The following NEK5 variants were observed in gnomAD, a reference collection of about 807,000 sequenced individuals.
The protein encoded by NEK5 is serine/threonine-protein kinase Nek5.
A neutral mutation model predicts 109.2 loss-of-function variants in NEK5; 88 were observed. The ratio of observed to expected loss-of-function variants is 0.81; its 90% CI spans 0.68 to 0.96. The LOEUF (loss-of-function observed/expected upper bound fraction) is 0.96, where lower values mean the gene tolerates loss of function less well. Ranked by LOEUF, NEK5 falls within the 40% of genes least tolerant of loss-of-function variation. The pLI is 0.00. For missense variants in NEK5, 834 were observed against 920.7 expected (o/e 0.91, Z 1.22); for synonymous variants, 283 against 299.9 (o/e 0.94, Z 0.58).
At chr13:52,063,340 G>T (rs1448248172) in intron 21 of NEK5, among the ~76,000 whole-genome samples, 1 of 152,250 alleles carries the variant, frequency 6.6e-6, no homozygotes, top group Non-Finnish European at 1.5e-5. Context: ...CTCCCGAGGT[G>T]CCGGGTTTGC....
chr13:52,076,628 C>T (rs1006137504), intron 17 of NEK5, among the ~76,000 whole-genome samples: 1 of 152,194 alleles, frequency 6.6e-6, no homozygotes, highest in African/African-American at 2.4e-5. Flanking sequence ...AGCATCCTAT[C>T]TTGGGCCATC....
chr13:52,085,887 G>C (rs1034674735), intron 16 of NEK5, among the ~76,000 whole-genome samples: 1 of 152,160 alleles, frequency 6.6e-6, no homozygotes, highest in Non-Finnish European at 1.5e-5. Flanking sequence ...AAAAATGCTA[G>C]TGTGTTGGGT....
At chr13:52,069,596 T>C (rs1177642127) in intron 20 of NEK5, among the ~76,000 whole-genome samples, 1 of 152,218 alleles carries the variant, frequency 6.6e-6, no homozygotes, top group African/African-American at 2.4e-5. Flanking sequence ...ATCACTACCT[T>C]GTCTCTCCCG....
At chr13:52,086,029 T>C (rs1231676696) in intron 16 of NEK5, among the ~76,000 whole-genome samples, 1 of 152,204 alleles carries the variant, frequency 6.6e-6, no homozygotes, top group South Asian at 2.1e-4. Flanking sequence ...AATCAATAAG[T>C]ACTTTTAATA....
At chr13:52,059,637 A>G (rs1486831545) in intron 22 of NEK5, among the ~76,000 whole-genome samples, 2 of 152,198 alleles carry the variant, frequency 1.3e-5, no homozygotes, top group South Asian at 2.1e-4. Flanking sequence ...AAAAATGATG[A>G]GTTCACGTCC....
Position 52,099,770 on chromosome 13 carries a change from T to C in NEK5, c.999A>G (p.Pro333=), listed in dbSNP as rs1298216627. The change falls in exon 12 of 24, where the codon CCA becomes CCG. Residue 333 remains proline, a synonymous_variant. Coordinates refer to ENST00000684899, the MANE Select transcript of NEK5 (RefSeq NM_001365552.1). ...NAILHRNEWR[P]PAGAQKARSI... is the part of the protein sequence containing the mutation. Reference sequence around the variant, plus strand: ...ATCTGGCCTTCTGGGCTCCAGCTGGTGGTCTCCATTCATTTCTATGCAATA... The same window carrying C: ...ATCTGGCCTTCTGGGCTCCAGCTGGCGGTCTCCATTCATTTCTATGCAATA... 1 of 1,613,924 alleles carries C rather than the reference T, an allele frequency of 6.2e-7. No individual in the cohort carries two copies. The highest frequency in any genetic ancestry group is 8.5e-7 in the Non-Finnish European group (1 of 1,179,848).
chr13:52,038,191 G>A (rs866699776), intron 23 of NEK5, among the ~76,000 whole-genome samples: 15 of 149,460 alleles, frequency 1.0e-4, no homozygotes, highest in Admixed American at 2.0e-4. Flanking sequence ...GCATGGTGGC[G>A]CACACTTGTA....
intron 23 of NEK5, among the ~76,000 whole-genome samples, chr13:52,044,340 C>T (rs1436725396): frequency 6.6e-6 from 1 of 152,160 alleles, no homozygotes; most frequent in African/African-American, 2.4e-5. Context: ...TACAACTCCG[C>T]CATTCCACTC....
chr13:52,077,441 TGA>T (rs1266977681), intron 17 of NEK5, among the ~76,000 whole-genome samples: 1 of 152,092 alleles, frequency 6.6e-6, no homozygotes, highest in Non-Finnish European at 1.5e-5. Context: ...CCTCCTGTCT[TGA>T]GAGAGTTTGC....
rs1955332552 is a variant in NEK5, at chr13:52,093,230, T to G, written c.1032A>C (p.Lys344Asn). 6.2e-7 allele frequency: 1 copy of G among 1,609,842 alleles called. No individual in the cohort carries two copies. The highest frequency in any genetic ancestry group is 1.1e-5 in the South Asian group (1 of 90,898). Residue 344 changes from lysine to asparagine, a missense_variant, in exon 13 of 24, where the codon AAA becomes AAC. Around this residue, in one of 2 missense-constraint regions of NEK5, gnomAD observed 777 missense variants for 824.7 expected, o/e 0.94. Coordinates refer to ENST00000684899, the MANE Select transcript of NEK5 (RefSeq NM_001365552.1). Reference protein sequence around the residue: ...PAGAQKARSIKMIERPKIAAV... With the variant: ...PAGAQKARSINMIERPKIAAV... The stretch of plus-strand genomic sequence containing the variant: ...CAGCAATTTTGGGTCTTTCTATCAT[T>G]TTTATCTGAAGAAAACAAGAGGGGA...
chr13:52,098,998 T>C (rs902129549), intron 12 of NEK5, among the ~76,000 whole-genome samples: 3 of 152,206 alleles, frequency 2.0e-5, no homozygotes, highest in Non-Finnish European at 4.4e-5. Context: ...TACTATTTGA[T>C]AGCACAATAG....
At chr13:52,079,833 G>T (rs1372486336) in intron 17 of NEK5, among the ~76,000 whole-genome samples, 1 of 148,942 alleles carries the variant, frequency 6.7e-6, no homozygotes, top group Non-Finnish European at 1.5e-5. Context: ...CTGCCCCGCC[G>T]CCATCCCATC....
At chr13:52,128,104 T>C (rs1469324274) in intron 1 of NEK5, among the ~76,000 whole-genome samples, 1 of 152,162 alleles carries the variant, frequency 6.6e-6, no homozygotes, top group African/African-American at 2.4e-5. Context: ...TTCCTATACA[T>C]TCCTGTGCGT....
At chr13:52,056,077 C>A (rs1173292637) in intron 22 of NEK5, among the ~76,000 whole-genome samples, 1 of 149,902 alleles carries the variant, frequency 6.7e-6, no homozygotes, top group Non-Finnish European at 1.5e-5. Context: ...GACACACATA[C>A]GCTCAAAATA....
chr13:52,069,059 T>C (rs1480200266), intron 20 of NEK5, among the ~76,000 whole-genome samples: 2 of 151,432 alleles, frequency 1.3e-5, no homozygotes, highest in Admixed American at 6.6e-5. Context: ...GCCTAAATAA[T>C]AATTACAGGA....
intron 11 of NEK5, among the ~76,000 whole-genome samples, chr13:52,100,898 C>A (rs1242766704): frequency 3.3e-5 from 5 of 152,276 alleles, no homozygotes; most frequent in African/African-American, 1.2e-4. Context: ...ATTTTAGAAT[C>A]TCTGTCTCAA....
At chr13:52,069,393 C>G (rs1383009384) in intron 20 of NEK5, among the ~76,000 whole-genome samples, 1 of 152,132 alleles carries the variant, frequency 6.6e-6, no homozygotes, top group Non-Finnish European at 1.5e-5. Context: ...AGGGTTATGT[C>G]CTAAGCTCCA....
Position 52,036,266 on chromosome 13 carries a change from CT to C in NEK5, c.*681del, listed in dbSNP as rs929201498. ...TCTTCCTCTTCCACTTGTAAGGACCCTTGTGATTACACTGCACCCAGGTGGA... is the reference window on the plus strand; with the variant it reads ...TCTTCCTCTTCCACTTGTAAGGACCCTGTGATTACACTGCACCCAGGTGGA... On this transcript the variant is annotated 3_prime_UTR_variant, in exon 24 of 24. Coordinates refer to ENST00000684899, the MANE Select transcript of NEK5 (RefSeq NM_001365552.1). The C allele has an allele frequency of 2.0e-5, 3 of 152,330 alleles. No individual in the cohort carries two copies. The highest frequency in any genetic ancestry group is 6.5e-5 in the Admixed American group (1 of 15,294). The allele number at this position is 152,330 out of a possible 1,614,324, so 9.4% of individuals were successfully genotyped here.
At position 52,120,542 on chromosome 13, in the gene NEK5, GA is replaced by G. The variant is rs899275957; in HGVS notation, c.118-1128del. Among the ~76,000 whole-genome samples, 4 of 148,666 alleles carry G rather than the reference GA, an allele frequency of 2.7e-5. No homozygotes were observed. The South Asian group carries it at 6.4e-4, about 24-fold the overall frequency. On this transcript the variant is annotated intron_variant, in intron 3 of 23. Coordinates refer to ENST00000684899, the MANE Select transcript of NEK5 (RefSeq NM_001365552.1). The stretch of plus-strand genomic sequence containing the variant: ...AGCAAAGTACAAGAATAGTCAACTC[GA>G]AAAAAAAAGAGAAATAAAAATGGCT...
Sources: allele counts gnomAD v4.1 joint callset (sites outside exome capture counted in the v4.1 genomes callset), GRCh38; gene constraint gnomAD v4.1.1; regional missense constraint gnomAD v4.1.1; transcripts MANE v1.5; gene names NCBI Gene and HGNC (gene_info 2026-07-23, HGNC 2026-07-21).